The following USP43 variants were observed in gnomAD, a reference collection of about 807,000 sequenced individuals.
The protein encoded by USP43 is ubiquitin carboxyl-terminal hydrolase 43.
A neutral mutation model predicts 90.7 loss-of-function variants in USP43; 33 were observed. That is an observed-to-expected ratio of 0.36 (90% CI 0.28 to 0.49). The LOEUF is 0.49. Ranked by LOEUF, USP43 falls within the 20% of genes least tolerant of loss-of-function variation. The pLI, the probability that USP43 is intolerant of heterozygous loss-of-function variation, is 0.98. For missense variants in USP43, 1,274 were observed against 1,476.4 expected (o/e 0.86, Z 2.25); for synonymous variants, 598 against 615.8 (o/e 0.97, Z 0.43).
At chr17:9,671,143 G>C (rs568724771) in intron 3 of USP43, among the ~76,000 whole-genome samples, 2 of 152,336 alleles carry the variant, frequency 1.3e-5, no homozygotes, top group South Asian at 2.1e-4. Context: ...GGAACCTCCA[G>C]TACTAGAGTA....
chr17:9,720,443 C>T (rs557379406), intron 14 of USP43, among the ~76,000 whole-genome samples: 1 of 150,104 alleles, frequency 6.7e-6, no homozygotes, highest in East Asian at 2.0e-4. Flanking sequence ...GTGGTTGGTA[C>T]CACCTCTCCT....
At chr17:9,714,481 A>C in intron 14 of USP43, among the ~76,000 whole-genome samples, 1 of 151,832 alleles carries the variant, frequency 6.6e-6, no homozygotes, top group East Asian at 1.9e-4. Context: ...GGAGTTCGAG[A>C]CCAGCCTGAC....
intron 14 of USP43, among the ~76,000 whole-genome samples, chr17:9,724,450 C>T (rs925922040): frequency 6.6e-5 from 10 of 152,092 alleles, no homozygotes; most frequent in Admixed American, 2.6e-4. Context: ...GAGGTCGAGG[C>T]GGGTGGATCA....
intron 3 of USP43, among the ~76,000 whole-genome samples, chr17:9,670,935 G>A (rs1189152559): frequency 6.6e-6 from 1 of 152,172 alleles, no homozygotes; most frequent in East Asian, 1.9e-4. Flanking sequence ...TGGTCAGTGG[G>A]GGAAGTGCCT....
chr17:9,660,784 G>C (rs1159675613), intron 2 of USP43, among the ~76,000 whole-genome samples: 1 of 152,224 alleles, frequency 6.6e-6, no homozygotes, highest in Non-Finnish European at 1.5e-5. Flanking sequence ...CTATTGGCTA[G>C]AGAGAGGAGC....
chr17:9,721,712 A>G (rs2152001437), intron 14 of USP43, among the ~76,000 whole-genome samples: 1 of 148,454 alleles, frequency 6.7e-6, no homozygotes, highest in South Asian at 2.1e-4. Context: ...ACCTTCCTGT[A>G]TAGCTGTATT....
At chr17:9,690,556 A>G (rs1310787379) in intron 8 of USP43, among the ~76,000 whole-genome samples, 1 of 152,186 alleles carries the variant, frequency 6.6e-6, no homozygotes, top group African/African-American at 2.4e-5. Context: ...ATTAAACATT[A>G]TACTGATTAA....
chr17:9,680,204 G>A, intron 5 of USP43, 27 bp from the exon 6 acceptor site: 1 of 1,605,740 alleles, frequency 6.2e-7, no homozygotes, highest in Non-Finnish European at 8.5e-7. Context: ...CAGAAATCAA[G>A]AGGGAAAATG....
At chr17:9,652,234 A>AAAAAAAAG (rs61023073) in intron 1 of USP43, among the ~76,000 whole-genome samples, 8 of 149,682 alleles carry the variant, frequency 5.3e-5, no homozygotes, top group African/African-American at 2.0e-4. Flanking sequence ...AAAAAAGAAA[A>AAAAAAAAG]GAAAAGAAAG....
intron 13 of USP43, among the ~76,000 whole-genome samples, chr17:9,710,666 C>T (rs1388156259): frequency 6.6e-6 from 1 of 151,806 alleles, no homozygotes; most frequent in Non-Finnish European, 1.5e-5. Context: ...CACCACCATG[C>T]CCAGCTAATT....
chr17:9,668,395 C>T (rs1567653392), intron 3 of USP43, among the ~76,000 whole-genome samples: 1 of 152,210 alleles, frequency 6.6e-6, no homozygotes, highest in Non-Finnish European at 1.5e-5. Context: ...TGCCCGGAAA[C>T]TATCCTGATT....
chr17:9,710,399 C>T (rs188512597), intron 13 of USP43, among the ~76,000 whole-genome samples: 4 of 151,628 alleles, frequency 2.6e-5, no homozygotes, highest in African/African-American at 7.3e-5. Context: ...TCACTCATAT[C>T]ACAGCAGGTT....
chr17:9,695,995 A>T (rs1010932098), intron 9 of USP43, among the ~76,000 whole-genome samples: 5 of 152,108 alleles, frequency 3.3e-5, no homozygotes, highest in African/African-American at 1.2e-4. Flanking sequence ...GTATGTATAC[A>T]CCACCTAGAA....
intron 9 of USP43, among the ~76,000 whole-genome samples, chr17:9,693,530 T>C (rs8081688): frequency 0.041 from 6,232 of 152,112 alleles, 399 homozygotes; most frequent in African/African-American, 0.14. Context: ...TGAACCCAGA[T>C]TGATCTAACT....
intron 6 of USP43, among the ~76,000 whole-genome samples, chr17:9,681,299 A>AATATAGATAAATATATATAAATATAT (rs1325728674): frequency 8.9e-5 from 10 of 112,826 alleles, no homozygotes; most frequent in African/African-American, 3.2e-4. Flanking sequence ...TGTTATATAT[A>AATATAGATAAATATATATAAATATAT]ATATAGATAA....
intron 1 of USP43, among the ~76,000 whole-genome samples, chr17:9,655,721 A>G (rs1912194370): frequency 6.6e-6 from 1 of 152,202 alleles, no homozygotes; most frequent in African/African-American, 2.4e-5. Context: ...GGTCCCTAGA[A>G]TAGTGCCTGG....
At chr17:9,681,790 G>A (rs540699866) in intron 6 of USP43, among the ~76,000 whole-genome samples, 3 of 151,966 alleles carry the variant, frequency 2.0e-5, no homozygotes, top group South Asian at 2.1e-4. Flanking sequence ...CACCACACCC[G>A]GCCAGAAGGC....
At chr17:9,649,677 TAAA>T (rs56962060) in intron 1 of USP43, among the ~76,000 whole-genome samples, 39 of 108,068 alleles carry the variant, frequency 3.6e-4, no homozygotes, top group African/African-American at 7.3e-4. Flanking sequence ...TTGCACATTG[TAAA>T]AAAAAAAAAA....
In USP43 at chr17:9,645,928, G is replaced by T; in HGVS notation, c.296G>T (p.Gly99Val). 1 of 1,476,128 alleles carries T rather than the reference G, an allele frequency of 6.8e-7. No homozygotes were observed. Among genetic ancestry groups the T allele is most frequent in the Non-Finnish European group, 9.0e-7 (1 of 1,116,622 alleles). 91.4% of individuals were successfully genotyped at this position (1,476,128 alleles called of 1,614,324 possible). The part of the protein sequence containing the change: ...LPAGDGARPP[G>V]AQGLKNHGNT... ...GCCGGCGATGGGGCGCGGCCGCCGG[G>T]CGCTCAGGGCTTGAAGAACCACGGC... The change falls in exon 1 of 15, where the codon GGC becomes GTC. Residue 99 changes from glycine to valine, a missense_variant. Physicochemically the swap from Gly to Val is moderately radical, Grantham distance 109. Around this residue, in one of 6 missense-constraint regions of USP43, gnomAD observed 259 missense variants for 373.7 expected, o/e 0.69. Transcript: ENST00000285199. The surrounding 1 kb of genome is among the most constrained non-coding windows in gnomAD (Gnocchi z 6.8).
Sources: allele counts gnomAD v4.1 joint callset (sites outside exome capture counted in the v4.1 genomes callset), GRCh38; gene constraint gnomAD v4.1.1; regional missense constraint gnomAD v4.1.1; non-coding constraint Gnocchi (gnomAD v3.1); transcripts MANE v1.5; gene names NCBI Gene and HGNC (gene_info 2026-07-23, HGNC 2026-07-21).